WNK1: variants seen among roughly 807,000 people sequenced by gnomAD.
The protein encoded by WNK1 is WNK lysine deficient protein kinase 1.
In WNK1, 38 loss-of-function variants were observed where a neutral mutation model predicts 222.8. That is an observed-to-expected ratio of 0.17 (90% CI 0.13 to 0.22). The LOEUF is 0.22. WNK1 is among the 10% of genes least tolerant of loss of function. The pLI is 1.00. For missense variants in WNK1, 2,348 were observed against 2,918.4 expected (o/e 0.80, Z 4.50); for synonymous variants, 1,090 against 1,092.9 (o/e 1.00, Z 0.05).
At chr12:793,431 G>A (rs534900403) in intron 1 of WNK1, among the ~76,000 whole-genome samples, 44 of 152,160 alleles carry the variant, frequency 2.9e-4, no homozygotes, top group African/African-American at 1.0e-3. Context: ...AGTAAATTTC[G>A]GTCAAAAATA....
intron 1 of WNK1, among the ~76,000 whole-genome samples, chr12:804,880 G>A (rs903663243): frequency 4.0e-5 from 6 of 149,260 alleles, no homozygotes; most frequent in Admixed American, 2.7e-4. Flanking sequence ...GTTGTACCAT[G>A]TGTCAAAATT....
At chr12:902,652 A>G (rs1466531159) in intron 26 of WNK1, among the ~76,000 whole-genome samples, 2 of 152,242 alleles carry the variant, frequency 1.3e-5, no homozygotes, top group African/African-American at 4.8e-5. Flanking sequence ...CTTAAAAACA[A>G]GGCACAATAG....
chr12:899,695 AACCT>A, intron 25 of WNK1, among the ~76,000 whole-genome samples: 1 of 152,320 alleles, frequency 6.6e-6, no homozygotes, highest in Middle Eastern at 3.4e-3. Flanking sequence ...TATTGAAAGC[AACCT>A]ACCAAAAATA....
intron 23 of WNK1, among the ~76,000 whole-genome samples, chr12:895,141 A>G (rs1008115602): frequency 9.9e-5 from 15 of 152,242 alleles, no homozygotes; most frequent in African/African-American, 3.6e-4. Flanking sequence ...ACATGATACC[A>G]TATCACTTTA....
chr12:847,669 T>A (rs1950114280), intron 4 of WNK1, among the ~76,000 whole-genome samples: 1 of 152,090 alleles, frequency 6.6e-6, no homozygotes, highest in African/African-American at 2.4e-5. Flanking sequence ...CGGCCCGTAC[T>A]TAACTGGAGT....
intron 4 of WNK1, among the ~76,000 whole-genome samples, chr12:837,588 A>AAAAG (rs2154033117): frequency 7.5e-6 from 1 of 133,502 alleles, no homozygotes; most frequent in Non-Finnish European, 1.6e-5. Flanking sequence ...AAAAAAAAAA[A>AAAAG]AAAAGAAAAG....
chr12:810,300 A>T (rs1204620879), intron 1 of WNK1, among the ~76,000 whole-genome samples: 1 of 152,150 alleles, frequency 6.6e-6, no homozygotes, highest in African/African-American at 2.4e-5. Context: ...AGTGTGGTGC[A>T]GAAAATGATA....
Position 754,168 on chromosome 12 carries a change from GGAT to G in WNK1, c.607_609del (p.Asp203del). 1 of 1,613,414 alleles carries G rather than the reference GGAT, an allele frequency of 6.2e-7. No individual in the cohort carries two copies. ...CACAGGAGGAACGGAGCCAGCAGCA[GGAT>G]GATATCGAAGAGCTGGAGACCAAGG... On this transcript the variant is annotated inframe_deletion, in exon 1 of 28. Transcript: ENST00000315939.
chr12:866,673 T>G (rs1951696502), intron 8 of WNK1, among the ~76,000 whole-genome samples: 1 of 152,292 alleles, frequency 6.6e-6, no homozygotes, highest in Admixed American at 6.5e-5. Flanking sequence ...AATGAATTAT[T>G]ATAGTGTATA....
At chr12:887,056 GTTT>G (rs1191429496) in intron 19 of WNK1, among the ~76,000 whole-genome samples, 162 bp from the exon 20 acceptor site, 1 of 152,056 alleles carries the variant, frequency 6.6e-6, no homozygotes, top group South Asian at 2.1e-4. Flanking sequence ...TTGTCACACC[GTTT>G]TTTTAAGACA....
intron 1 of WNK1, among the ~76,000 whole-genome samples, chr12:754,643 A>T (rs1207109702): frequency 2.0e-4 from 31 of 152,168 alleles, no homozygotes; most frequent in Admixed American, 2.0e-3. Context: ...GAAAGTACAG[A>T]TGCTTCTTCT....
At chr12:770,333 T>C (rs957851718) in intron 1 of WNK1, among the ~76,000 whole-genome samples, 1 of 152,156 alleles carries the variant, frequency 6.6e-6, no homozygotes, top group African/African-American at 2.4e-5. Context: ...CCATAGCAGT[T>C]AGGAAATATT....
chr12:776,737 T>G (rs1482202821), intron 1 of WNK1, among the ~76,000 whole-genome samples: 1 of 152,116 alleles, frequency 6.6e-6, no homozygotes, highest in Non-Finnish European at 1.5e-5. Context: ...GCCCAGATCT[T>G]AATGTGTTCT....
At chr12:882,289 C>T (rs1953237924) in intron 14 of WNK1, among the ~76,000 whole-genome samples, 1 of 152,088 alleles carries the variant, frequency 6.6e-6, no homozygotes, top group Non-Finnish European at 1.5e-5. Context: ...TGCAGTGCCT[C>T]CTGGGTTCAA....
chr12:864,587 G>T (rs1951481389), intron 8 of WNK1, among the ~76,000 whole-genome samples: 1 of 152,098 alleles, frequency 6.6e-6, no homozygotes, highest in Non-Finnish European at 1.5e-5. Flanking sequence ...GAAATACTGT[G>T]AGCCAACAAC....
chr12:868,622 G>C, intron 8 of WNK1: 2 of 1,614,010 alleles, frequency 1.2e-6, no homozygotes, highest in Non-Finnish European at 1.7e-6. Context: ...AAGCAACTGT[G>C]TATTTGAATT....
At chr12:813,962 C>A in intron 2 of WNK1, 148 bp downstream of exon 2, 2 of 814,268 alleles carry the variant, frequency 2.5e-6, no homozygotes, top group South Asian at 1.5e-5. Context: ...ATTTCCTTGC[C>A]CACAAAGTCC....
chr12:836,703 A>G lies in WNK1; in HGVS notation c.1311+6543A>G, dbSNP rs138212901. 3.6e-3 allele frequency among the ~76,000 whole-genome samples: 544 copies of G among 152,366 alleles called. 3 individuals are homozygous for G. The highest frequency in any genetic ancestry group is 0.012 in the African/African-American group (508 of 41,582). ...ATGAATATCTAGATATTAAAACTTA[A>G]AAGTATGATTCTGATTACATAATCA... On this transcript the variant is annotated intron_variant, in intron 4 of 27. Coordinates refer to ENST00000315939, the MANE Select transcript of WNK1 (RefSeq NM_018979.4).
intron 9 of WNK1, 121 bp downstream of exon 9, chr12:871,469 C>A: frequency 1.1e-6 from 1 of 910,562 alleles, no homozygotes; most frequent in East Asian, 2.5e-5. Context: ...AGAGGCATAC[C>A]ATGTCTTGTG....
Sources: allele counts gnomAD v4.1 joint callset (sites outside exome capture counted in the v4.1 genomes callset), GRCh38; gene constraint gnomAD v4.1.1; transcripts MANE v1.5; gene names NCBI Gene and HGNC (gene_info 2026-07-23, HGNC 2026-07-21).